Variants in EFCAB11 observed in about 807,000 individuals in gnomAD.
The protein encoded by EFCAB11 is EF-hand calcium binding domain 11.
A neutral mutation model predicts 23.0 loss-of-function variants in EFCAB11; 14 were observed. The ratio of observed to expected loss-of-function variants is 0.61; its 90% CI spans 0.40 to 0.95. The LOEUF is 0.95. EFCAB11 is among the 40% of genes least tolerant of loss of function. The pLI, the probability that EFCAB11 is intolerant of heterozygous loss-of-function variation, is 0.00. For synonymous variants in EFCAB11, 65 were observed against 66.6 expected (o/e 0.98, Z 0.11); for missense variants, 198 against 195.8 (o/e 1.01, Z -0.07).
At chr14:89,945,972 G>T (rs1370248348) in intron 3 of EFCAB11, among the ~76,000 whole-genome samples, 1 of 148,998 alleles carries the variant, frequency 6.7e-6, no homozygotes, top group Non-Finnish European at 1.5e-5. Context: ...AGGCTGGAGT[G>T]CCGTGATGCA....
intron 5 of EFCAB11, among the ~76,000 whole-genome samples, chr14:89,893,322 C>A (rs1244066996): frequency 5.3e-5 from 8 of 152,124 alleles, no homozygotes; most frequent in Admixed American, 3.9e-4. Flanking sequence ...GCTGGGTTTG[C>A]CCCCACCCTA....
At chr14:89,870,279 T>C (rs1888224338) in intron 5 of EFCAB11, among the ~76,000 whole-genome samples, 1 of 152,226 alleles carries the variant, frequency 6.6e-6, no homozygotes, top group Non-Finnish European at 1.5e-5. Flanking sequence ...TGCAATAATT[T>C]CATGATCTAT....
intron 5 of EFCAB11, among the ~76,000 whole-genome samples, chr14:89,863,263 T>G (rs1002830435): frequency 2.0e-5 from 3 of 152,242 alleles, no homozygotes; most frequent in African/African-American, 4.8e-5. Flanking sequence ...GCCAACTTGA[T>G]GATAGTCAGA....
At chr14:89,814,241 C>T (rs910357729) in intron 5 of EFCAB11, among the ~76,000 whole-genome samples, 2 of 152,018 alleles carry the variant, frequency 1.3e-5, no homozygotes, top group Admixed American at 1.3e-4. Context: ...CTTTTCTGTC[C>T]CTCGCTGAAG....
chr14:89,917,384 T>C (rs1228167808), intron 5 of EFCAB11, among the ~76,000 whole-genome samples: 1 of 152,190 alleles, frequency 6.6e-6, no homozygotes, highest in African/African-American at 2.4e-5. Flanking sequence ...TAGCATAATG[T>C]CCCCAGATTC....
intron 5 of EFCAB11, among the ~76,000 whole-genome samples, chr14:89,919,210 G>C (rs868703981): frequency 5.9e-5 from 8 of 134,756 alleles, no homozygotes; most frequent in African/African-American, 2.2e-4. Context: ...GAGACAGAGA[G>C]AGAGAGAGAG....
chr14:89,821,453 G>A (rs1374957742), intron 5 of EFCAB11, among the ~76,000 whole-genome samples: 1 of 152,076 alleles, frequency 6.6e-6, no homozygotes, highest in Non-Finnish European at 1.5e-5. Context: ...CTGGAGAGCT[G>A]TAATACCATA....
chr14:89,874,050 C>G (rs563336768), intron 5 of EFCAB11, among the ~76,000 whole-genome samples: 1 of 152,338 alleles, frequency 6.6e-6, no homozygotes, highest in South Asian at 2.1e-4. Context: ...GAGGGCTCTA[C>G]CCCTGCAGCA....
intron 5 of EFCAB11, among the ~76,000 whole-genome samples, chr14:89,849,119 C>T (rs1401195055): frequency 1.3e-5 from 2 of 152,124 alleles, no homozygotes; most frequent in South Asian, 2.1e-4. Flanking sequence ...ATCTTGTGAA[C>T]GTCCACTCCC....
At chr14:89,830,255 AT>A (rs1487594718) in intron 5 of EFCAB11, 2 of 152,208 alleles carry the variant, frequency 1.3e-5, no homozygotes, top group African/African-American at 4.8e-5. Flanking sequence ...AAGTGTACAA[AT>A]AGACATTTAA....
chr14:89,826,802 C>G (rs145112547), intron 5 of EFCAB11, among the ~76,000 whole-genome samples: 54 of 152,202 alleles, frequency 3.5e-4, no homozygotes, highest in Admixed American at 1.2e-3. Flanking sequence ...AGTGCAGCCG[C>G]CACTTGGTCC....
chr14:89,900,747 A>T (rs892228355), intron 5 of EFCAB11, among the ~76,000 whole-genome samples: 1 of 152,234 alleles, frequency 6.6e-6, no homozygotes, highest in Non-Finnish European at 1.5e-5. Flanking sequence ...ACATCCAGGG[A>T]GTGGAATTAA....
chr14:89,908,452 A>G (rs1021295623), intron 5 of EFCAB11, among the ~76,000 whole-genome samples: 1 of 152,362 alleles, frequency 6.6e-6, no homozygotes, highest in East Asian at 1.9e-4. Flanking sequence ...GGAAAATTCC[A>G]TACATAAGTA....
intron 5 of EFCAB11, among the ~76,000 whole-genome samples, chr14:89,819,982 T>C (rs1036083635): frequency 6.6e-6 from 1 of 152,212 alleles, no homozygotes; most frequent in Admixed American, 6.5e-5. Context: ...TATGACTCAG[T>C]AAACTATGGC....
intron 1 of EFCAB11, 85 bp downstream of exon 1, chr14:89,954,501 C>A (rs1891363182): frequency 3.8e-6 from 6 of 1,567,586 alleles, no homozygotes; most frequent in Non-Finnish European, 5.2e-6. Flanking sequence ...GCACACCCGG[C>A]AGAGTGAGAC....
At chr14:89,942,411 T>C (rs534141135) in intron 3 of EFCAB11, among the ~76,000 whole-genome samples, 30 of 152,338 alleles carry the variant, frequency 2.0e-4, no homozygotes, top group African/African-American at 7.0e-4. Context: ...ATTATTCCTC[T>C]ATATCATTTT....
chr14:89,805,791 C>T (rs180775566), intron 5 of EFCAB11, among the ~76,000 whole-genome samples: 216 of 152,222 alleles, frequency 1.4e-3, no homozygotes, highest in African/African-American at 4.9e-3. Flanking sequence ...GAAATGAAAG[C>T]ATCCTGACAT....
intron 5 of EFCAB11, among the ~76,000 whole-genome samples, chr14:89,914,043 C>T (rs1889760669): frequency 6.6e-6 from 1 of 152,180 alleles, no homozygotes; most frequent in African/African-American, 2.4e-5. Flanking sequence ...ACTGTTGCTA[C>T]ACCTGTCAGC....
At chr14:89,824,428 A>G (rs906987665) in intron 5 of EFCAB11, among the ~76,000 whole-genome samples, 1 of 152,184 alleles carries the variant, frequency 6.6e-6, no homozygotes. Context: ...TGGATCTACA[A>G]AAGGGAAAGA....
Sources: gnomAD v4.1 joint callset for allele counts (sites outside exome capture counted in the v4.1 genomes callset) on GRCh38, gnomAD v4.1.1 for gene constraint, MANE v1.5 for transcripts, NCBI Gene and HGNC (gene_info 2026-07-23, HGNC 2026-07-21) for gene names.